Variants in CACNA1A observed in about 807,000 individuals in gnomAD.
The protein encoded by CACNA1A is calcium voltage-gated channel subunit alpha1 A, also known as voltage-dependent P/Q-type calcium channel subunit alpha-1A.
A neutral mutation model predicts 262.4 loss-of-function variants in CACNA1A; 57 were observed. The ratio of observed to expected loss-of-function variants is 0.22; its 90% CI spans 0.18 to 0.27. The LOEUF (loss-of-function observed/expected upper bound fraction) is 0.27, where lower values mean the gene tolerates loss of function less well. CACNA1A is among the 10% of genes least tolerant of loss of function. CACNA1A has a pLI of 1.00. For missense variants in CACNA1A, 2,526 were observed against 3,562.8 expected (o/e 0.71, Z 7.41); for synonymous variants, 1,431 against 1,419.3 (o/e 1.01, Z -0.18).
intron 3 of CACNA1A, among the ~76,000 whole-genome samples, chr19:13,449,734 G>A (rs2060881048): frequency 1.3e-5 from 2 of 152,346 alleles, no homozygotes; most frequent in South Asian, 2.1e-4. Flanking sequence ...GGCAGCCAAA[G>A]TGTGAATACA....
intron 38 of CACNA1A, among the ~76,000 whole-genome samples, chr19:13,215,640 CAG>C (rs1310527048): frequency 1.4e-5 from 2 of 140,360 alleles, no homozygotes; most frequent in East Asian, 2.1e-4. Context: ...TTTTTTTTGA[CAG>C]AGTCTCTCTC....
chr19:13,434,806 T>C (rs867435292), intron 3 of CACNA1A, among the ~76,000 whole-genome samples: 1 of 152,164 alleles, frequency 6.6e-6, no homozygotes, highest in Middle Eastern at 3.4e-3. Flanking sequence ...ATTATTATTA[T>C]TTTTACAAGG....
In CACNA1A at chr19:13,431,914, G is replaced by A. The variant is rs138074966; in HGVS notation, c.539+20962C>T. On this transcript the variant is annotated intron_variant, in intron 3 of 46. Transcript: ENST00000360228. ...GAGATCAAGAGATTGACACCATCCT[G>A]GCCAACATGGTGAAACCCTGTCCCT... Among the ~76,000 whole-genome samples, 112 of 151,924 alleles carry A rather than the reference G, an allele frequency of 7.4e-4. No homozygotes were observed. In the East Asian group the frequency reaches 0.019, roughly 26 times the overall value.
In CACNA1A at chr19:13,262,806, G is replaced by C. The variant is rs760214001; in HGVS notation, c.4017C>G (p.Asn1339Lys). 1 of 1,613,118 alleles carries C rather than the reference G, an allele frequency of 6.2e-7. No individual in the cohort carries two copies. The highest frequency in any genetic ancestry group is 1.1e-5 in the South Asian group (1 of 90,968). ...FTGNSKGKDI[N>K]TIKSLRVLRV... ...GGAGGACTCGGAGGGATTTAATCGT[G>C]TTGATGTCTTTTCCTTTGCTATTGC... The change falls in exon 25 of 47, where the codon AAC becomes AAG. Residue 1339 changes from asparagine (N) to lysine (K), a missense_variant. Around this residue, in one of 17 missense-constraint regions of CACNA1A, gnomAD observed 137 missense variants for 377.7 expected, o/e 0.36. Coordinates refer to ENST00000360228, the MANE Select transcript of CACNA1A (RefSeq NM_001127222.2).
Position 13,359,592 on chromosome 19 carries a change from C to G in CACNA1A, c.978+14G>C, listed in dbSNP as rs767257816. ...ACTCTGATTGTCCACACACACTGTC[C>G]CAGCATCACTTACATTGTAGAGGAG... On this transcript the variant is annotated intron_variant, in intron 6 of 46. Transcript: ENST00000360228. The G allele has an allele frequency of 6.3e-7, 1 of 1,598,038 alleles. No homozygotes were observed. The highest frequency in any genetic ancestry group is 8.6e-7 in the Non-Finnish European group (1 of 1,168,760).
At chr19:13,253,404 C>G (rs1307628986) in intron 29 of CACNA1A, among the ~76,000 whole-genome samples, 1 of 146,406 alleles carries the variant, frequency 6.8e-6, no homozygotes, top group Admixed American at 6.9e-5. Context: ...TCCTGATAGT[C>G]GGGACTATAG....
intron 3 of CACNA1A, among the ~76,000 whole-genome samples, chr19:13,436,429 C>T (rs1232799883): frequency 6.6e-6 from 1 of 152,228 alleles, no homozygotes; most frequent in East Asian, 1.9e-4. Flanking sequence ...CTTCTTCCTT[C>T]TGTCCATCCC....
intron 1 of CACNA1A, among the ~76,000 whole-genome samples, chr19:13,501,423 C>T (rs2145173993): frequency 6.6e-6 from 1 of 152,202 alleles, no homozygotes; most frequent in Admixed American, 6.5e-5. Context: ...ATCCACCGGC[C>T]TCAGCCTCCC....
At position 13,400,283 on chromosome 19, in the gene CACNA1A, C is replaced by A. The variant is rs576163640; in HGVS notation, c.540-28504G>T. Among the ~76,000 whole-genome samples, 6 of 152,222 alleles carry A rather than the reference C, an allele frequency of 3.9e-5. No individual in the cohort carries two copies. In the East Asian group the frequency reaches 1.2e-3, roughly 29 times the overall value. ...CTGATCATGTATAACACTGCACATT[C>A]GACTTTTGACTTTTGCAGGATGAAT... is the stretch of plus-strand genomic sequence containing the variant. On this transcript the variant is annotated intron_variant, in intron 3 of 46. Coordinates refer to ENST00000360228, the MANE Select transcript of CACNA1A (RefSeq NM_001127222.2).
rs1187513107 is a variant in CACNA1A at position 13,419,764 on chromosome 19, GT to G, written c.539+33111del. Among the ~76,000 whole-genome samples the G allele has an allele frequency of 3.3e-5, 5 of 151,960 alleles. No homozygotes were observed. The East Asian group carries it at 9.7e-4, about 30-fold the overall frequency. On this transcript the variant is annotated intron_variant, in intron 3 of 46. Coordinates refer to ENST00000360228, the MANE Select transcript of CACNA1A (RefSeq NM_001127222.2). The stretch of plus-strand genomic sequence containing the variant: ...TAATTAGACCCAGGATAGAATGGAT[GT>G]GGGACAAGTAAGAATGCTGTTAAAA...
intron 6 of CACNA1A, among the ~76,000 whole-genome samples, chr19:13,341,844 C>T (rs11085844): frequency 0.099 from 15,042 of 152,148 alleles, 797 homozygotes; most frequent in South Asian, 0.17. Context: ...AATGTCCATT[C>T]GACAAGAGGG....
Position 13,237,530 on chromosome 19 carries a change from G to C in CACNA1A, c.4951-1800C>G, listed in dbSNP as rs566199494. On this transcript the variant is annotated intron_variant, in intron 31 of 46. Transcript: ENST00000360228. ...GTGTCTTGTGCTGGCTTTGGCCTGG[G>C]AGCTGAGAGGCAAGGACTGGAGTTC... is the stretch of plus-strand genomic sequence containing the variant. 8.5e-5 allele frequency among the ~76,000 whole-genome samples: 13 copies of C among 152,306 alleles called. No individual in the cohort carries two copies. The East Asian group carries it at 2.5e-3, about 29-fold the overall frequency.
intron 6 of CACNA1A, among the ~76,000 whole-genome samples, chr19:13,344,736 TTTTATTTATTTA>T (rs5827191): frequency 1.9e-4 from 26 of 136,302 alleles, no homozygotes; most frequent in East Asian, 8.0e-4. Flanking sequence ...GGATCATTTA[TTTTATTTATTTA>T]TTTATTTATT....
intron 24 of CACNA1A, 177 bp from the exon 25 acceptor site, chr19:13,263,010 G>T: frequency 1.7e-6 from 1 of 602,236 alleles, no homozygotes; most frequent in Non-Finnish European, 3.0e-6. Context: ...GTTAAGCTTG[G>T]GCTCGGGAGC....
At chr19:13,227,898 A>G (rs1489716604) in intron 36 of CACNA1A, among the ~76,000 whole-genome samples, 2 of 106,950 alleles carry the variant, frequency 1.9e-5, no homozygotes, top group Non-Finnish European at 3.7e-5. Context: ...GCTTTTGTTC[A>G]TTGCCTTTTT....
intron 3 of CACNA1A, among the ~76,000 whole-genome samples, chr19:13,403,866 G>C (rs2059955117): frequency 6.6e-6 from 1 of 152,164 alleles, no homozygotes; most frequent in Non-Finnish European, 1.5e-5. Context: ...GCTGAGGTGG[G>C]AGGATAGCTT....
intron 3 of CACNA1A, among the ~76,000 whole-genome samples, chr19:13,449,970 G>A (rs12608671): frequency 2.0e-5 from 3 of 151,546 alleles, no homozygotes; most frequent in Admixed American, 6.6e-5. Context: ...GCGTAAACCC[G>A]TCTCTACTAA....
In CACNA1A at chr19:13,283,273, C is replaced by T. The variant is rs1435600305; in HGVS notation, c.3816G>A (p.Arg1272=). Residue 1272 remains arginine (R), a synonymous_variant, in exon 22 of 47, where the codon CGG becomes CGA. Transcript: ENST00000360228. ...TGTGCTCTGTGGGACTCACGTTGTT[C>T]CGAGGTGCGTTGGGCTGCACAGGGT... ...AEDPVQPNAP[R]NNVLRYFDYV... The T allele has an allele frequency of 6.2e-7, 1 of 1,613,724 alleles. No homozygotes were observed. Among genetic ancestry groups the T allele is most frequent in the Non-Finnish European group, 8.5e-7 (1 of 1,179,790 alleles).
At chr19:13,208,272 T>G (rs1310767350) in intron 46 of CACNA1A, among the ~76,000 whole-genome samples, 358 of 78,794 alleles carry the variant, frequency 4.5e-3, no homozygotes, top group Middle Eastern at 6.6e-3. Context: ...GGAGGGGGAG[T>G]GAGACAGGGA....
Sources: gnomAD v4.1 joint callset for allele counts (sites outside exome capture counted in the v4.1 genomes callset) on GRCh38, gnomAD v4.1.1 for gene constraint, gnomAD v4.1.1 regional missense constraint, MANE v1.5 for transcripts, NCBI Gene and HGNC (gene_info 2026-07-23, HGNC 2026-07-21) for gene names.